The following THSD7B variants were observed in gnomAD, a reference collection of about 807,000 sequenced individuals.
The protein encoded by THSD7B is thrombospondin type 1 domain containing 7B.
A neutral mutation model predicts 213.6 loss-of-function variants in THSD7B; 138 were observed. That is an observed-to-expected ratio of 0.65 (90% CI 0.56 to 0.74). The LOEUF is 0.74. THSD7B is among the 30% of genes least tolerant of loss of function. The pLI is 0.00. For synonymous variants in THSD7B, 742 were observed against 687.0 expected, an observed-to-expected ratio of 1.08 and a Z score of -1.25; for missense variants, 1,931 against 1,991.5, an observed-to-expected ratio of 0.97 and a Z score of 0.58.
intron 2 of THSD7B, among the ~76,000 whole-genome samples, chr2:136,898,646 CTT>C (rs34410826): frequency 3.6e-4 from 44 of 121,094 alleles, no homozygotes; most frequent in African/African-American, 1.2e-3. Flanking sequence ...GGAACTGAGA[CTT>C]TTTTTTTTTT....
chr2:137,003,326 A>G (rs758774389), intron 2 of THSD7B, among the ~76,000 whole-genome samples: 4 of 152,210 alleles, frequency 2.6e-5, no homozygotes, highest in Non-Finnish European at 5.9e-5. Flanking sequence ...CATTCCAAGA[A>G]CAAGAAAAGG....
chr2:136,868,655 A>G (rs760994076), intron 1 of THSD7B, among the ~76,000 whole-genome samples: 18 of 152,210 alleles, frequency 1.2e-4, no homozygotes, highest in Non-Finnish European at 1.8e-4. Flanking sequence ...GTTCAACAGC[A>G]TTTGAGAAGA....
At chr2:137,297,634 C>T (rs1683497998) in intron 12 of THSD7B, among the ~76,000 whole-genome samples, 1 of 151,952 alleles carries the variant, frequency 6.6e-6, no homozygotes, top group Admixed American at 6.5e-5. Context: ...ATTTTATCTC[C>T]CAGAATTCCC....
At chr2:136,880,159 A>C (rs1164854225) in intron 1 of THSD7B, among the ~76,000 whole-genome samples, 1 of 152,194 alleles carries the variant, frequency 6.6e-6, no homozygotes, top group Admixed American at 6.5e-5. Context: ...TCAACAGAAT[A>C]TACATTCTTC....
intron 1 of THSD7B, among the ~76,000 whole-genome samples, chr2:136,844,490 G>GAGAGAGAGACAGAGAGAC (rs895586400): frequency 5.3e-5 from 8 of 149,602 alleles, no homozygotes; most frequent in African/African-American, 2.0e-4. Context: ...GAGAGAGAGA[G>GAGAGAGAGACAGAGAGAC]AGAGACAGAG....
chr2:137,577,902 G>A (rs562338906), intron 17 of THSD7B, among the ~76,000 whole-genome samples: 20 of 152,118 alleles, frequency 1.3e-4, no homozygotes, highest in Non-Finnish European at 1.6e-4. Context: ...AAACTAGCAC[G>A]ATTGTAACGC....
chr2:136,925,836 GTC>G (rs1405237572), intron 2 of THSD7B, among the ~76,000 whole-genome samples: 1 of 151,972 alleles, frequency 6.6e-6, no homozygotes, highest in Non-Finnish European at 1.5e-5. Flanking sequence ...TGCTATTTTA[GTC>G]TCTCTTACTA....
chr2:137,548,701 T>C (rs1434456286), intron 15 of THSD7B, among the ~76,000 whole-genome samples: 3 of 152,052 alleles, frequency 2.0e-5, no homozygotes, highest in Non-Finnish European at 4.4e-5. Context: ...GTTTGCTTGA[T>C]TGATTAACAA....
intron 12 of THSD7B, among the ~76,000 whole-genome samples, chr2:137,329,261 G>A (rs1051768651): frequency 6.6e-6 from 1 of 152,176 alleles, no homozygotes; most frequent in Non-Finnish European, 1.5e-5. Flanking sequence ...TGGAGTAAAG[G>A]TCACTCTTGT....
At chr2:137,373,970 G>T (rs988352171) in intron 12 of THSD7B, among the ~76,000 whole-genome samples, 1 of 152,096 alleles carries the variant, frequency 6.6e-6, no homozygotes, top group Non-Finnish European at 1.5e-5. Flanking sequence ...TTTCCCCATT[G>T]CTTGTTTTTC....
At chr2:136,832,457 A>G (rs1682773219) in intron 1 of THSD7B, among the ~76,000 whole-genome samples, 1 of 152,068 alleles carries the variant, frequency 6.6e-6, no homozygotes, top group African/African-American at 2.4e-5. Context: ...CTTTTCTTCT[A>G]TTCAAGACCT....
chr2:137,133,042 C>T (rs534908574), intron 5 of THSD7B, among the ~76,000 whole-genome samples: 1 of 152,168 alleles, frequency 6.6e-6, no homozygotes, highest in Non-Finnish European at 1.5e-5. Flanking sequence ...TTAATGAACT[C>T]TAATCATCTT....
At position 137,148,061 on chromosome 2, in the gene THSD7B, C is replaced by T. The variant is rs13428054; in HGVS notation, c.1370-12152C>T. Among the ~76,000 whole-genome samples the T allele has an allele frequency of 9.5e-3, 1,449 of 152,202 alleles. 23 individuals carry two copies. The highest frequency in any genetic ancestry group is 0.033 in the African/African-American group (1,369 of 41,512). On this transcript the variant is annotated intron_variant, in intron 5 of 27. Coordinates refer to ENST00000409968, the MANE Select transcript of THSD7B (RefSeq NM_001316349.2). ...TCTTGAATTGTAGTTCCCATAATCC[C>T]CAAGTGTCATGGGAAGGACCTGGTA... is the stretch of plus-strand genomic sequence containing the variant.
intron 1 of THSD7B, among the ~76,000 whole-genome samples, chr2:136,869,943 G>A (rs938121830): frequency 5.9e-5 from 9 of 152,050 alleles, no homozygotes; most frequent in African/African-American, 1.4e-4. Context: ...ATGGTGGCAC[G>A]TGCCTGTAAT....
At chr2:137,385,576 C>A (rs1186784344) in intron 12 of THSD7B, among the ~76,000 whole-genome samples, 1 of 152,186 alleles carries the variant, frequency 6.6e-6, no homozygotes, top group Non-Finnish European at 1.5e-5. Context: ...GTCTTAACCT[C>A]TAAGGAAAGC....
chr2:137,022,638 C>CTT (rs68006016), intron 2 of THSD7B, among the ~76,000 whole-genome samples: 3 of 149,400 alleles, frequency 2.0e-5, no homozygotes, highest in Non-Finnish European at 3.0e-5. Flanking sequence ...TTCCTTTTAA[C>CTT]TTTTTTTTTT....
At chr2:137,547,455 ATG>A (rs781495807) in intron 15 of THSD7B, among the ~76,000 whole-genome samples, 1 of 151,848 alleles carries the variant, frequency 6.6e-6, no homozygotes, top group Non-Finnish European at 1.5e-5. Flanking sequence ...GTGTGTGTGT[ATG>A]TGTGTGTATG....
intron 3 of THSD7B, among the ~76,000 whole-genome samples, chr2:137,068,927 G>A (rs73958320): frequency 0.095 from 14,473 of 152,054 alleles, 939 homozygotes; most frequent in African/African-American, 0.18. Flanking sequence ...TCTAGGACAC[G>A]ACAGAGCTTT....
chr2:136,830,734 A>G (rs1328464207), intron 1 of THSD7B, among the ~76,000 whole-genome samples: 1 of 152,154 alleles, frequency 6.6e-6, no homozygotes, highest in South Asian at 2.1e-4. Context: ...TATTTTTCAA[A>G]TGTTTCATTG....
Sources: gnomAD v4.1 joint callset for allele counts (sites outside exome capture counted in the v4.1 genomes callset) on GRCh38, gnomAD v4.1.1 for gene constraint, MANE v1.5 for transcripts, NCBI Gene and HGNC (gene_info 2026-07-23, HGNC 2026-07-21) for gene names.